Variants in TNXB observed in about 807,000 individuals in gnomAD.
The protein encoded by TNXB is tenascin-X.
A neutral mutation model predicts 340.5 loss-of-function variants in TNXB; 183 were observed. The ratio of observed to expected loss-of-function variants is 0.54; its 90% confidence interval spans 0.48 to 0.61. The LOEUF is 0.61. TNXB is among the 20% of genes least tolerant of loss of function. The pLI, the probability that TNXB is intolerant of heterozygous loss-of-function variation, is 0.00. For missense variants in TNXB, 4,613 were observed against 5,446.4 expected, an observed-to-expected ratio of 0.85 and a Z score of 4.82; for synonymous variants, 2,121 against 2,314.5, an observed-to-expected ratio of 0.92 and a Z score of 2.40.
intron 22 of TNXB, 94 bp downstream of exon 22, chr6:32,057,964 C>G (rs1395539378): frequency 2.2e-6 from 3 of 1,375,918 alleles, no homozygotes; most frequent in Non-Finnish European, 2.9e-6. Context: ...TCACTGTGAG[C>G]CCCATCAAGA....
Position 32,068,838 on chromosome 6 carries a change from A to G in TNXB, c.5886T>C (p.His1962=). ...AGTTCTCACCTGTCAGGGCCTCGAC[A>G]TGGACAGGACCTACATGCTTCCCAT... is the stretch of plus-strand genomic sequence containing the variant. The part of the protein sequence containing the change: ...FSDGKHVGPV[H]VEALTVPEEE... Residue 1962 remains histidine, a synonymous_variant, in exon 16 of 44, where the codon CAT becomes CAC. Coordinates refer to ENST00000644971, the MANE Select transcript of TNXB (RefSeq NM_001365276.2). This position sits in a 1 kb window ranked among gnomAD's most constrained non-coding sequence, Gnocchi z 5.3. 6.2e-7 allele frequency: 1 copy of G among 1,607,424 alleles called. No homozygotes were observed. Among genetic ancestry groups the G allele is most frequent in the Non-Finnish European group, 8.5e-7 (1 of 1,175,416 alleles).
rs535228517 is a variant in TNXB at position 32,075,492 on chromosome 6, C to A, written c.4376-1540G>T. Among the ~76,000 whole-genome samples, 1 of 152,372 alleles carries A rather than the reference C, an allele frequency of 6.6e-6. No homozygotes were observed. Among genetic ancestry groups the A allele is most frequent in the East Asian group, 1.9e-4 (1 of 5,192 alleles). Reference sequence around the variant, plus strand: ...AAAGGCCTAGGTGGCTGTCCTCTCACCTCCTTCAGGGCTTTCCTCAGACAC... The same window carrying A: ...AAAGGCCTAGGTGGCTGTCCTCTCAACTCCTTCAGGGCTTTCCTCAGACAC... On this transcript the variant is annotated intron_variant, in intron 11 of 43. Transcript: ENST00000644971. This position sits in a 1 kb window ranked among gnomAD's most constrained non-coding sequence, Gnocchi z 4.6.
In TNXB at chr6:32,042,254, T is replaced by C; in HGVS notation, c.12307+12A>G. On this transcript the variant is annotated intron_variant, in intron 41 of 43. Transcript: ENST00000644971. ...CCCATCCGTAGTTCCCCAGTCCCTG[T>C]GAGGCACTGACCCAGCCAGAACTCT... The C allele has an allele frequency of 8.9e-7, 1 of 1,118,300 alleles. No homozygotes were observed. Among genetic ancestry groups the C allele is most frequent in the Non-Finnish European group, 1.3e-6 (1 of 763,108 alleles). The allele number at this position is 1,118,300 out of a possible 1,614,324, so 69.3% of individuals were successfully genotyped here.
intron 11 of TNXB, chr6:32,078,748 C>G: frequency 2.3e-6 from 1 of 432,344 alleles, no homozygotes; most frequent in East Asian, 4.9e-5. Context: ...TTTGCCAGGC[C>G]CATTCTTGAT....
At chr6:32,050,487 C>A (rs1777215939) in intron 26 of TNXB, among the ~76,000 whole-genome samples, 166 bp from the exon 27 acceptor site, 1 of 151,530 alleles carries the variant, frequency 6.6e-6, no homozygotes, top group Non-Finnish European at 1.5e-5. Context: ...TATCCCTCAC[C>A]CTGACCCCCC....
chr6:32,045,178 G>C lies in TNXB; in HGVS notation c.10755C>G (p.Ser3585=), dbSNP rs1776771333. The change falls in exon 32 of 44, where the codon TCC becomes TCG. Residue 3585 remains serine, a synonymous_variant. Transcript: ENST00000644971. ...SWSVAQGPFD[S]FVVQYEDTNG... is the part of the protein sequence containing the mutation. The stretch of plus-strand genomic sequence containing the variant: ...TCGTGTCCTCATACTGGACCACGAA[G>C]GAATCAAAGGGGCCCTGGGCCACGC... 6.2e-7 allele frequency: 1 copy of C among 1,612,958 alleles called. No homozygotes were observed. Among genetic ancestry groups the C allele is most frequent in the African/African-American group, 1.3e-5 (1 of 74,952 alleles).
chr6:32,083,763 G>A lies in TNXB; in HGVS notation c.3445+650C>T, dbSNP rs1779611567. The stretch of plus-strand genomic sequence containing the variant: ...CAGCCTCGGTCTCCTGGGCTCAAGC[G>A]ATCCTCCCACCTCAAGCCTCTCAAG... On this transcript the variant is annotated intron_variant, in intron 8 of 43. Coordinates refer to ENST00000644971, the MANE Select transcript of TNXB (RefSeq NM_001365276.2). The surrounding 1 kb of genome is among the most constrained non-coding windows in gnomAD (Gnocchi z 4.6). Among the ~76,000 whole-genome samples, 1 of 152,054 alleles carries A rather than the reference G, an allele frequency of 6.6e-6. No homozygotes were observed. The highest frequency in any genetic ancestry group is 6.5e-5 in the Admixed American group (1 of 15,272).
In TNXB at chr6:32,079,323, A is replaced by G. The variant is rs779248696; in HGVS notation, c.4085T>C (p.Leu1362Pro). The G allele has an allele frequency of 2.5e-6, 4 of 1,611,774 alleles. No individual in the cohort carries two copies. The South Asian group carries it at 3.3e-5, about 13-fold the overall frequency. The change falls in exon 11 of 44, where the codon CTG becomes CCG. Residue 1362 changes from leucine (L) to proline (P), a missense_variant. Leu to Pro is a moderately conservative substitution (Grantham distance 98, BLOSUM62 -3). Transcript: ENST00000644971. This position sits in a 1 kb window ranked among gnomAD's most constrained non-coding sequence, Gnocchi z 7.1. ...DVDETPSPTE[L>P]GTEAPESPEE... ...GGGGGACTCCGGGGCCTCCGTGCCC[A>G]GTTCTGTGGGGCTGGGGGTCTCGTC...
Position 32,097,821 on chromosome 6 carries a change from A to G in TNXB, c.378T>C (p.Cys126=). Residue 126 remains cysteine, a synonymous_variant, in exon 2 of 44, where the codon TGT becomes TGC. Coordinates refer to ENST00000644971, the MANE Select transcript of TNXB (RefSeq NM_001365276.2). The surrounding 1 kb of genome is among the most constrained non-coding windows in gnomAD (Gnocchi z 5.9). ...CTGTGCCAGCTTGGGCAGAGGCAGG[A>G]CAACATCCCCCAGTGCACTGTTCCT... The part of the protein sequence containing the change: ...GLKEQCTGGC[C]PASAQAGTGQ... 2 of 1,507,990 alleles carry G rather than the reference A, an allele frequency of 1.3e-6. No individual in the cohort carries two copies. The highest frequency in any genetic ancestry group is 1.8e-6 in the Non-Finnish European group (2 of 1,126,374). The allele number at this position is 1,507,990 out of a possible 1,614,324, so 93.4% of individuals were successfully genotyped here.
At chr6:32,043,981 C>T (rs761985795) in intron 34 of TNXB, 26 bp downstream of exon 34, 14 of 1,605,832 alleles carry the variant, frequency 8.7e-6, no homozygotes, top group East Asian at 2.2e-5. Flanking sequence ...AAATGCGAGG[C>T]GATGAGCACA....
At chr6:32,071,874 T>C (rs926240663) in intron 13 of TNXB, 116 bp downstream of exon 13, 1 of 924,622 alleles carries the variant, frequency 1.1e-6, no homozygotes, top group African/African-American at 1.7e-5. Context: ...GCTAGCCCCA[T>C]GTGGCTTTTC....
At chr6:32,059,125 A>G (rs1777859130) in intron 21 of TNXB, among the ~76,000 whole-genome samples, 1 of 151,812 alleles carries the variant, frequency 6.6e-6, no homozygotes, top group Non-Finnish European at 1.5e-5. Flanking sequence ...GTGGGCTAAA[A>G]AAGAAATTCT....
At position 32,068,378 on chromosome 6, in the gene TNXB, T is replaced by C. The variant is rs778044435; in HGVS notation, c.6220+12A>G. The C allele has an allele frequency of 6.2e-7, 1 of 1,612,028 alleles. No individual in the cohort carries two copies. Among genetic ancestry groups the C allele is most frequent in the African/African-American group, 1.3e-5 (1 of 75,024 alleles). On this transcript the variant is annotated intron_variant, in intron 17 of 43. Transcript: ENST00000644971. This position sits in a 1 kb window ranked among gnomAD's most constrained non-coding sequence, Gnocchi z 5.3. Reference sequence around the variant, plus strand: ...CATGGCTCCCACCCTGGGGCTCCCATCATCCACTCACCTGTCACCCCGACG... The same window carrying C: ...CATGGCTCCCACCCTGGGGCTCCCACCATCCACTCACCTGTCACCCCGACG...
intron 31 of TNXB, chr6:32,045,861 A>G: frequency 8.6e-7 from 1 of 1,156,602 alleles, no homozygotes; most frequent in Middle Eastern, 3.5e-4. Flanking sequence ...CTATCTGGAC[A>G]AGGCCACCCT....
chr6:32,055,970 C>G lies in TNXB; in HGVS notation c.8348G>C (p.Arg2783Thr). ...RDGRPQVMRV[R>T]GEESEVTVGG... ...CACGGTGACCTCGCTCTCCTCGCCC[C>G]TGACACGCATCACCTGGGGCCGCCC... Residue 2783 changes from arginine to threonine, a missense_variant, in exon 24 of 44, where the codon AGG becomes ACG. Coordinates refer to ENST00000644971, the MANE Select transcript of TNXB (RefSeq NM_001365276.2). 1.9e-6 allele frequency: 3 copies of G among 1,613,472 alleles called. No individual in the cohort carries two copies. The highest frequency in any genetic ancestry group is 2.5e-6 in the Non-Finnish European group (3 of 1,179,850).
At chr6:32,099,957 A>C (rs1780627816) in intron 1 of TNXB, among the ~76,000 whole-genome samples, 1 of 151,262 alleles carries the variant, frequency 6.6e-6, no homozygotes, top group South Asian at 2.1e-4. Flanking sequence ...AAAAAAAAAA[A>C]AAAAAAAAAA....
intron 1 of TNXB, among the ~76,000 whole-genome samples, chr6:32,102,380 TCAAGTGTC>T (rs1235689578): frequency 1.3e-5 from 2 of 152,166 alleles, no homozygotes; most frequent in Non-Finnish European, 2.9e-5. Flanking sequence ...TGAAAGCAAC[TCAAGTGTC>T]CATTCATAAA....
At position 32,058,551 on chromosome 6, in the gene TNXB, C is replaced by T. The variant is rs185358092; in HGVS notation, c.7493-161G>A. On this transcript the variant is annotated intron_variant, in intron 21 of 43. Coordinates refer to ENST00000644971, the MANE Select transcript of TNXB (RefSeq NM_001365276.2). The surrounding 1 kb of genome is among the most constrained non-coding windows in gnomAD (Gnocchi z 5.1). ...GTTCAGTGACTCTTGGAATAAGAGC[C>T]GGTGAGGTATCCCCGAGCCCCCGGC... Among the ~76,000 whole-genome samples, 434 of 151,904 alleles carry T rather than the reference C, an allele frequency of 2.9e-3. 14 individuals are homozygous for T. Among genetic ancestry groups the T allele is most frequent in the African/African-American group, 9.6e-3 (395 of 41,218 alleles).
At position 32,096,824 on chromosome 6, in the gene TNXB, G is replaced by T; in HGVS notation, c.1029C>A (p.Pro343=). The T allele has an allele frequency of 6.3e-7, 1 of 1,597,564 alleles. No individual in the cohort carries two copies. The highest frequency in any genetic ancestry group is 8.5e-7 in the Non-Finnish European group (1 of 1,173,610). Residue 343 remains proline (P), a synonymous_variant, in exon 3 of 44, where the codon CCC becomes CCA. Coordinates refer to ENST00000644971, the MANE Select transcript of TNXB (RefSeq NM_001365276.2). ...TGEDCGTRSC[P]WDCGEGGRCV... is the part of the protein sequence containing the mutation. ...AGCGCCCGCCCTCGCCACAGTCCCAGGGGCAGCTCCGCGTACCACAGTCCT... is the reference window on the plus strand; with the variant it reads ...AGCGCCCGCCCTCGCCACAGTCCCATGGGCAGCTCCGCGTACCACAGTCCT...
Sources: gnomAD v4.1 joint callset for allele counts (sites outside exome capture counted in the v4.1 genomes callset) on GRCh38, gnomAD v4.1.1 for gene constraint, Gnocchi (gnomAD v3.1) non-coding constraint, MANE v1.5 for transcripts, NCBI Gene and HGNC (gene_info 2026-07-23, HGNC 2026-07-21) for gene names.